Variants in FOXP2 observed in about 807,000 individuals in gnomAD.
The protein encoded by FOXP2 is forkhead box P2, also known as forkhead box protein P2.
Under a neutral mutation model 115.8 loss-of-function variants are expected in FOXP2, and 12 were observed. That is an observed-to-expected ratio of 0.10 (90% CI 0.07 to 0.17). The LOEUF is 0.17. Ranked by LOEUF, FOXP2 falls within the 10% of genes least tolerant of loss-of-function variation. The pLI is 1.00. For missense variants in FOXP2, 629 were observed against 843.5 expected (o/e 0.75, Z 3.15); for synonymous variants, 328 against 297.7 (o/e 1.10, Z -1.05).
At chr7:114,473,148 C>CCTATTCGATACCTCTTCATAT (rs1796119386) in intron 2 of FOXP2, among the ~76,000 whole-genome samples, 1 of 152,144 alleles carries the variant, frequency 6.6e-6, no homozygotes, top group Non-Finnish European at 1.5e-5. Context: ...TGTATTCATA[C>CCTATTCGATACCTCTTCATAT]CTATTCGATA....
At chr7:114,438,739 A>G (rs1311346673) in intron 2 of FOXP2, among the ~76,000 whole-genome samples, 2 of 152,206 alleles carry the variant, frequency 1.3e-5, no homozygotes, top group Middle Eastern at 6.8e-3. Flanking sequence ...AGCTAGAATA[A>G]AAAATGAATT....
chr7:114,412,743 C>G (rs1793196631), upstream of FOXP2, among the ~76,000 whole-genome samples: 1 of 152,098 alleles, frequency 6.6e-6, no homozygotes, highest in Admixed American at 6.6e-5. Flanking sequence ...TGTCTGCCAG[C>G]CTGAGGCTGT....
intron 3 of FOXP2, among the ~76,000 whole-genome samples, chr7:114,536,590 G>A (rs932900543): frequency 6.6e-6 from 1 of 151,186 alleles, no homozygotes; most frequent in East Asian, 1.9e-4. Flanking sequence ...GTCCAGTCTT[G>A]TTGTTTTAGC....
intron 2 of FOXP2, among the ~76,000 whole-genome samples, chr7:114,467,953 C>G (rs1021031423): frequency 5.3e-5 from 8 of 152,040 alleles, no homozygotes; most frequent in African/African-American, 1.7e-4. Context: ...TTTGCCCATT[C>G]ATTAAATGCT....
intron 2 of FOXP2, among the ~76,000 whole-genome samples, chr7:114,382,426 A>G (rs1792329230): frequency 6.6e-6 from 1 of 152,240 alleles, no homozygotes; most frequent in Non-Finnish European, 1.5e-5. Flanking sequence ...CCCTTGACAT[A>G]AGGGGCATGG....
chr7:114,290,543 A>G (rs1320773109), intron 2 of FOXP2, among the ~76,000 whole-genome samples: 1 of 152,106 alleles, frequency 6.6e-6, no homozygotes, highest in East Asian at 1.9e-4. Context: ...CATATGAAAA[A>G]TATTTGCTCT....
At chr7:114,319,105 A>C (rs1048244063) in intron 2 of FOXP2, among the ~76,000 whole-genome samples, 1 of 138,082 alleles carries the variant, frequency 7.2e-6, no homozygotes, top group Admixed American at 7.9e-5. Context: ...TGCTTGGGCT[A>C]CATTTTTAAC....
At chr7:114,369,162 G>A (rs932228359) in intron 2 of FOXP2, among the ~76,000 whole-genome samples, 5 of 152,188 alleles carry the variant, frequency 3.3e-5, no homozygotes, top group African/African-American at 1.2e-4. Flanking sequence ...AGTGTTATAA[G>A]AGGATTCTAA....
chr7:114,305,150 T>C (rs1461490068), intron 2 of FOXP2, among the ~76,000 whole-genome samples: 1 of 152,168 alleles, frequency 6.6e-6, no homozygotes, highest in Admixed American at 6.6e-5. Flanking sequence ...GGTATGATCA[T>C]TATTCATCTC....
chr7:114,277,370 C>T (rs1796214798), intron 1 of FOXP2, among the ~76,000 whole-genome samples: 1 of 151,974 alleles, frequency 6.6e-6, no homozygotes, highest in Non-Finnish European at 1.5e-5. Flanking sequence ...TGGAATTGCC[C>T]ACCGTCGTTT....
At chr7:114,617,534 G>T (rs753507261) in intron 3 of FOXP2, among the ~76,000 whole-genome samples, 2 of 152,138 alleles carry the variant, frequency 1.3e-5, no homozygotes, top group Non-Finnish European at 2.9e-5. Context: ...CGGCTCACGC[G>T]TGTAATCCCA....
At chr7:114,211,927 G>A (rs1041060356) in intron 1 of FOXP2, among the ~76,000 whole-genome samples, 1 of 152,020 alleles carries the variant, frequency 6.6e-6, no homozygotes, top group Non-Finnish European at 1.5e-5. Context: ...ACAAAAATTA[G>A]CTGGACGTAG....
intron 2 of FOXP2, among the ~76,000 whole-genome samples, chr7:114,517,815 T>C (rs1239237974): frequency 1.3e-5 from 2 of 152,202 alleles, no homozygotes; most frequent in African/African-American, 2.4e-5. Context: ...TTGGGGTCTT[T>C]TGTGATTTCA....
intron 1 of FOXP2, among the ~76,000 whole-genome samples, chr7:114,109,317 C>T (rs1417371662): frequency 1.3e-5 from 2 of 151,946 alleles, no homozygotes; most frequent in Non-Finnish European, 2.9e-5. Flanking sequence ...ATTCCAAGGT[C>T]ATGTATTATG....
chr7:114,624,118 T>C (rs1302550154), intron 3 of FOXP2, among the ~76,000 whole-genome samples: 1 of 151,882 alleles, frequency 6.6e-6, no homozygotes, highest in African/African-American at 2.4e-5. Flanking sequence ...GTTTCTTATG[T>C]TAAAATAAAC....
At chr7:114,671,924 C>A (rs1489383787) in intron 16 of FOXP2, among the ~76,000 whole-genome samples, 1 of 151,936 alleles carries the variant, frequency 6.6e-6, no homozygotes, top group Non-Finnish European at 1.5e-5. Flanking sequence ...TAACATTTAC[C>A]ACTCACAGAA....
chr7:114,525,401 G>A (rs565548242), intron 2 of FOXP2, among the ~76,000 whole-genome samples: 1 of 152,176 alleles, frequency 6.6e-6, no homozygotes, highest in Non-Finnish European at 1.5e-5. Context: ...CAGTAGAAAA[G>A]TAAGTAGTTC....
chr7:114,426,400 C>T (rs1427863561), intron 1 of FOXP2, 102 bp from the exon 2 acceptor site: 15 of 1,106,792 alleles, frequency 1.4e-5, no homozygotes, highest in Non-Finnish European at 1.8e-5. Flanking sequence ...TCTTCCCCCT[C>T]TTCTAAAGAT....
chr7:114,164,719 G>A (rs540455880), intron 1 of FOXP2, among the ~76,000 whole-genome samples: 1 of 152,184 alleles, frequency 6.6e-6, no homozygotes, highest in South Asian at 2.1e-4. Flanking sequence ...TTTCACTAAC[G>A]TGAAACAGCT....
Sources: allele counts gnomAD v4.1 joint callset (sites outside exome capture counted in the v4.1 genomes callset), GRCh38; gene constraint gnomAD v4.1.1; transcripts MANE v1.5; gene names NCBI Gene and HGNC (gene_info 2026-07-23, HGNC 2026-07-21).